Variants in PTPRD observed in about 807,000 individuals in gnomAD.
PTPRD encodes protein tyrosine phosphatase receptor type D, also known as receptor-type tyrosine-protein phosphatase delta.
In PTPRD, 34 loss-of-function variants were observed where a neutral mutation model predicts 214.5. That is an observed-to-expected ratio of 0.16 (90% CI 0.12 to 0.21). The LOEUF is 0.21. Among genes scored for constraint, PTPRD ranks in the 10% least tolerant of loss-of-function variants. The pLI is 1.00. For missense variants in PTPRD, 2,545 were observed against 2,398.7 expected (o/e 1.06, Z -1.27); for synonymous variants, 1,128 against 845.7 (o/e 1.33, Z -5.79).
intron 4 of PTPRD, among the ~76,000 whole-genome samples, chr9:9,965,463 C>T (rs1208432520): frequency 2.0e-5 from 3 of 152,082 alleles, no homozygotes; most frequent in Admixed American, 6.6e-5. Flanking sequence ...TTGTCGGGGA[C>T]AGGAGATAAT....
At chr9:9,301,467 A>G (rs191642453) in intron 9 of PTPRD, among the ~76,000 whole-genome samples, 31 of 150,942 alleles carry the variant, frequency 2.1e-4, no homozygotes, top group African/African-American at 4.4e-4. Context: ...AGTGAGAAGC[A>G]TAACAGTGGG....
intron 39 of PTPRD, among the ~76,000 whole-genome samples, chr9:8,362,416 G>A (rs1159160207): frequency 1.3e-5 from 2 of 152,318 alleles, no homozygotes; most frequent in East Asian, 1.9e-4. Flanking sequence ...ACACACGAAA[G>A]AGGGATGAAA....
intron 5 of PTPRD, among the ~76,000 whole-genome samples, chr9:9,890,075 C>T (rs916508078): frequency 4.6e-5 from 7 of 152,202 alleles, no homozygotes; most frequent in African/African-American, 1.7e-4. Context: ...TTAAATTGGT[C>T]TGTTTCTTGG....
At chr9:9,877,878 C>A (rs1444162596) in intron 5 of PTPRD, among the ~76,000 whole-genome samples, 2 of 145,838 alleles carry the variant, frequency 1.4e-5, no homozygotes, top group Non-Finnish European at 3.0e-5. Flanking sequence ...GAGGCTGAGG[C>A]AGGAGAATTG....
intron 8 of PTPRD, among the ~76,000 whole-genome samples, chr9:9,516,719 G>C (rs139753061): frequency 6.6e-6 from 1 of 151,794 alleles, no homozygotes; most frequent in Admixed American, 6.6e-5. Flanking sequence ...TGTATTTTTA[G>C]TAAAGACGGG....
chr9:9,231,265 T>C (rs1004648199), intron 9 of PTPRD, among the ~76,000 whole-genome samples: 4 of 152,194 alleles, frequency 2.6e-5, no homozygotes, highest in African/African-American at 9.6e-5. Flanking sequence ...GAAAACATTT[T>C]AATGACTGGG....
intron 3 of PTPRD, among the ~76,000 whole-genome samples, chr9:10,288,723 G>T (rs1222909888): frequency 6.6e-6 from 1 of 152,158 alleles, no homozygotes; most frequent in Non-Finnish European, 1.5e-5. Context: ...TCTCTGGCAT[G>T]AAAGCTTTAT....
chr9:9,011,538 T>A (rs900443301), intron 11 of PTPRD, among the ~76,000 whole-genome samples: 1 of 152,188 alleles, frequency 6.6e-6, no homozygotes, highest in Middle Eastern at 3.4e-3. Context: ...CAGAATGCAG[T>A]AGCAAAGAAA....
At chr9:9,712,959 T>C (rs568689955) in intron 7 of PTPRD, among the ~76,000 whole-genome samples, 2 of 152,316 alleles carry the variant, frequency 1.3e-5, no homozygotes, top group Admixed American at 6.5e-5. Flanking sequence ...ATGAAAAAAC[T>C]CATTTGCTAA....
chr9:8,373,612 G>GGTGTGTGT (rs36212158), intron 39 of PTPRD, among the ~76,000 whole-genome samples: 21 of 141,452 alleles, frequency 1.5e-4, no homozygotes, highest in African/African-American at 4.5e-4. Flanking sequence ...CATGGATGCG[G>GGTGTGTGT]GTGTGTGTGT....
intron 10 of PTPRD, among the ~76,000 whole-genome samples, chr9:9,086,399 G>C (rs895711080): frequency 6.6e-6 from 1 of 152,158 alleles, no homozygotes; most frequent in African/African-American, 2.4e-5. Context: ...GGGAAATGAA[G>C]AGAAAAGCTG....
chr9:8,596,890 A>G (rs909493151), intron 14 of PTPRD, among the ~76,000 whole-genome samples: 1 of 152,086 alleles, frequency 6.6e-6, no homozygotes, highest in African/African-American at 2.4e-5. Context: ...TCCATTTGAC[A>G]CATTTAATAA....
rs564976693 is a variant in PTPRD, at chr9:9,433,586, G to C, written c.-236-36104C>G. 5.2e-4 allele frequency among the ~76,000 whole-genome samples: 79 copies of C among 152,088 alleles called. 1 individual carries two copies. The highest frequency in any genetic ancestry group is 1.8e-3 in the African/African-American group (75 of 41,492). The stretch of plus-strand genomic sequence containing the variant: ...ATGAGGAAAATTTTTATTTTGATTA[G>C]AAACTTTTCCCTAACTTACTGGAAA... On this transcript the variant is annotated intron_variant, in intron 8 of 45. Coordinates refer to ENST00000381196, the MANE Select transcript of PTPRD (RefSeq NM_002839.4).
In PTPRD at chr9:9,603,315, A is replaced by C. The variant is rs190979290; in HGVS notation, c.-286-28534T>G. Among the ~76,000 whole-genome samples the C allele has an allele frequency of 2.0e-3, 305 of 152,338 alleles. 1 individual carries two copies. The highest frequency in any genetic ancestry group is 7.0e-3 in the African/African-American group (293 of 41,588). Reference sequence around the variant, plus strand: ...ATGAGTCAGACACATGGTCAAAAAAAGTATAACAGACTAAACAAATTCAAT... The same window carrying C: ...ATGAGTCAGACACATGGTCAAAAAACGTATAACAGACTAAACAAATTCAAT... On this transcript the variant is annotated intron_variant, in intron 7 of 45. Coordinates refer to ENST00000381196, the MANE Select transcript of PTPRD (RefSeq NM_002839.4).
intron 4 of PTPRD, among the ~76,000 whole-genome samples, chr9:9,989,661 TG>T: frequency 6.6e-6 from 1 of 152,172 alleles, no homozygotes; most frequent in Non-Finnish European, 1.5e-5. Flanking sequence ...GGCACAGGTG[TG>T]GGTGCAAGAG....
intron 11 of PTPRD, among the ~76,000 whole-genome samples, chr9:8,765,078 G>C (rs2094629241): frequency 6.6e-6 from 1 of 151,970 alleles, no homozygotes; most frequent in South Asian, 2.1e-4. Flanking sequence ...TCCTTTCAGG[G>C]CCAGGAAGTG....
chr9:10,243,170 C>G (rs2091445455), intron 3 of PTPRD, among the ~76,000 whole-genome samples: 1 of 151,994 alleles, frequency 6.6e-6, no homozygotes, highest in East Asian at 1.9e-4. Flanking sequence ...TATTCAGAGA[C>G]TTCATTACTG....
chr9:9,381,133 A>G lies in PTPRD; in HGVS notation c.-203+16316T>C, dbSNP rs58353510. Among the ~76,000 whole-genome samples, 1,260 of 152,046 alleles carry G rather than the reference A, an allele frequency of 8.3e-3. 10 individuals carry two copies. The highest frequency in any genetic ancestry group is 0.025 in the African/African-American group (1,053 of 41,494). On this transcript the variant is annotated intron_variant, in intron 9 of 45. Coordinates refer to ENST00000381196, the MANE Select transcript of PTPRD (RefSeq NM_002839.4). ...ATAGTTGGGTCTTATATTTTGATCT[A>G]CTCTGACAATCTCTGTCTTTTAATT...
chr9:8,833,579 C>A (rs552290201), intron 11 of PTPRD, among the ~76,000 whole-genome samples: 1 of 149,504 alleles, frequency 6.7e-6, no homozygotes, highest in Non-Finnish European at 1.5e-5. Flanking sequence ...CTATGTATGA[C>A]CTGGTCCATT....
Sources: gnomAD v4.1 joint callset for allele counts (sites outside exome capture counted in the v4.1 genomes callset) on GRCh38, gnomAD v4.1.1 for gene constraint, MANE v1.5 for transcripts, NCBI Gene and HGNC (gene_info 2026-07-23, HGNC 2026-07-21) for gene names.